The following ABCA1 variants were observed in gnomAD, a reference collection of about 807,000 sequenced individuals.
ABCA1 encodes ATP binding cassette subfamily A member 1, also known as phospholipid-transporting ATPase ABCA1.
A neutral mutation model predicts 262.5 loss-of-function variants in ABCA1; 133 were observed. The ratio of observed to expected loss-of-function variants is 0.51; its 90% CI spans 0.44 to 0.59. ABCA1 has a LOEUF of 0.59. Ranked by LOEUF, ABCA1 falls within the 20% of genes least tolerant of loss-of-function variation. The pLI, the probability that ABCA1 is intolerant of heterozygous loss-of-function variation, is 0.00. For synonymous variants in ABCA1, 1,022 were observed against 1,043.5 expected (o/e 0.98, Z 0.40); for missense variants, 2,452 against 2,777.5 (o/e 0.88, Z 2.63).
chr9:104,889,877 A>T (rs964630643), intron 2 of ABCA1, among the ~76,000 whole-genome samples: 1 of 152,194 alleles, frequency 6.6e-6, no homozygotes, highest in East Asian at 1.9e-4. Flanking sequence ...GTCCTTCCCC[A>T]TCTGTCCAGG....
intron 1 of ABCA1, among the ~76,000 whole-genome samples, chr9:104,926,489 C>A (rs10991418): frequency 6.9e-6 from 1 of 145,090 alleles, no homozygotes; most frequent in East Asian, 2.0e-4. Flanking sequence ...AAAAACAAAA[C>A]GGGCTTTCGC....
In ABCA1 at chr9:104,785,545, T is replaced by C; in HGVS notation, c.6496A>G (p.Ser2166Gly). 6.4e-7 allele frequency: 1 copy of C among 1,550,568 alleles called. No individual in the cohort carries two copies. Residue 2166 changes from serine (S) to glycine (G), a missense_variant, in exon 49 of 50, where the codon AGT becomes GGT. By Grantham distance (56) the Ser-to-Gly change is moderately conservative. This residue lies in a region of ABCA1 where 752 missense variants were observed against 944.5 expected (regional missense o/e 0.80). Coordinates refer to ENST00000374736, the MANE Select transcript of ABCA1 (RefSeq NM_005502.4). Reference sequence around the variant, plus strand: ...TTCCGGTGTTTCTCTTTTAGAACACTTCCAGGAAATGCAAGTCCAAAGAAA... The same window carrying C: ...TTCCGGTGTTTCTCTTTTAGAACACCTCCAGGAAATGCAAGTCCAAAGAAA... The part of the protein sequence containing the change: ...QDFFGLAFPG[S>G]VLKEKHRNML...
intron 14 of ABCA1, 90 bp from the exon 15 acceptor site, chr9:104,829,228 G>T: frequency 7.7e-7 from 1 of 1,301,064 alleles, no homozygotes. Context: ...CATGCTAGAG[G>T]GAGCACCACA....
intron 45 of ABCA1, 77 bp from the exon 46 acceptor site, chr9:104,788,131 A>C: frequency 6.8e-7 from 1 of 1,468,120 alleles, no homozygotes; most frequent in Non-Finnish European, 9.5e-7. Context: ...ACATGTATGA[A>C]AGTTCTTTCA....
intron 5 of ABCA1, among the ~76,000 whole-genome samples, chr9:104,862,049 TACACAC>T (rs35010837): frequency 6.8e-4 from 99 of 145,098 alleles, no homozygotes; most frequent in African/African-American, 1.8e-3. Flanking sequence ...ATGGTGCTGT[TACACAC>T]ACACACACAC....
intron 3 of ABCA1, among the ~76,000 whole-genome samples, chr9:104,888,347 T>C (rs367743198): frequency 1.8e-4 from 28 of 152,240 alleles, no homozygotes; most frequent in African/African-American, 5.8e-4. Flanking sequence ...TAAATGTTGA[T>C]CCTTTAGATC....
At chr9:104,847,710 C>T (rs1023409325) in intron 7 of ABCA1, among the ~76,000 whole-genome samples, 2 of 152,214 alleles carry the variant, frequency 1.3e-5, no homozygotes, top group African/African-American at 4.8e-5. Flanking sequence ...TTACTCCCCA[C>T]CACAAGGTGA....
intron 4 of ABCA1, among the ~76,000 whole-genome samples, 172 bp downstream of exon 4, chr9:104,884,255 T>C (rs1838957544): frequency 1.3e-5 from 2 of 152,124 alleles, no homozygotes; most frequent in South Asian, 4.1e-4. Flanking sequence ...ATACCCCAAA[T>C]ACCCCAAATT....
intron 2 of ABCA1, among the ~76,000 whole-genome samples, chr9:104,902,707 G>A (rs1466162255): frequency 1.3e-5 from 2 of 152,144 alleles, no homozygotes; most frequent in African/African-American, 2.4e-5. Context: ...TTCTTTTACA[G>A]ACAGTGCAAG....
chr9:104,812,751 T>G, intron 27 of ABCA1, 29 bp from the exon 28 acceptor site: 1 of 1,614,160 alleles, frequency 6.2e-7, no homozygotes, highest in Non-Finnish European at 8.5e-7. Context: ...GAAGGTCACC[T>G]ATTATCTTAG....
intron 1 of ABCA1, among the ~76,000 whole-genome samples, chr9:104,913,791 A>AT (rs890934610): frequency 2.0e-4 from 30 of 151,196 alleles, no homozygotes; most frequent in South Asian, 4.2e-4. Context: ...ATTTTATTTT[A>AT]TTTATTTATC....
intron 3 of ABCA1, among the ~76,000 whole-genome samples, chr9:104,887,715 G>A (rs940571682): frequency 1.5e-5 from 2 of 134,978 alleles, no homozygotes; most frequent in Admixed American, 7.4e-5. Context: ...ATAAATTTCA[G>A]TTTATGCTTT....
At chr9:104,805,390 CAA>C (rs1830675998) in intron 31 of ABCA1, among the ~76,000 whole-genome samples, 1 of 152,106 alleles carries the variant, frequency 6.6e-6, no homozygotes, top group South Asian at 2.1e-4. Flanking sequence ...CTATTATTTT[CAA>C]GAGTGGTAAC....
intron 43 of ABCA1, among the ~76,000 whole-genome samples, chr9:104,791,310 T>A (rs1829402889): frequency 6.6e-6 from 1 of 152,162 alleles, no homozygotes; most frequent in South Asian, 2.1e-4. Flanking sequence ...CACCACCTAC[T>A]CTGGCAAAAG....
At chr9:104,791,134 A>C in intron 43 of ABCA1, 106 bp from the exon 44 acceptor site, 1 of 779,362 alleles carries the variant, frequency 1.3e-6, no homozygotes, top group South Asian at 1.5e-5. Context: ...ATCAGAGAAG[A>C]ATCAAATATT....
Position 104,817,537 on chromosome 9 carries a change from T to C in ABCA1, c.3463-133A>G, listed in dbSNP as rs28652716. 18,795 of 949,082 alleles carry C rather than the reference T, an allele frequency of 0.02. 270 individuals are homozygous for C. The highest frequency in any genetic ancestry group is 0.044 in the African/African-American group (2,722 of 61,534). 58.8% of individuals were successfully genotyped at this position (949,082 alleles called of 1,614,324 possible). ...AGGAAAAAGCTTTCCCTGGGACACATGCACTGGCAGCCGTGGCTTCAGAGG... is the reference window on the plus strand; with the variant it reads ...AGGAAAAAGCTTTCCCTGGGACACACGCACTGGCAGCCGTGGCTTCAGAGG... On this transcript the variant is annotated intron_variant, in intron 23 of 49. Transcript: ENST00000374736. The surrounding 1 kb of genome is among the most constrained non-coding windows in gnomAD (Gnocchi z 4.7).
chr9:104,844,545 T>C (rs1834689334), intron 8 of ABCA1, among the ~76,000 whole-genome samples: 1 of 152,186 alleles, frequency 6.6e-6, no homozygotes, highest in Non-Finnish European at 1.5e-5. Flanking sequence ...TGCAATACTT[T>C]CATTGTTAGA....
chr9:104,870,500 T>G (rs184557132), intron 5 of ABCA1, among the ~76,000 whole-genome samples: 1 of 152,186 alleles, frequency 6.6e-6, no homozygotes, highest in South Asian at 2.1e-4. Flanking sequence ...AGTAAGGCAA[T>G]AGCACACCTG....
Position 104,796,122 on chromosome 9 carries a change from G to A in ABCA1, c.5313C>T (p.Thr1771=), listed in dbSNP as rs116899939. ...TAATGCCAATGAAGAGGTTCACGCT[G>A]GTGAGCACCACATAGGCTGTGCTGG... is the stretch of plus-strand genomic sequence containing the variant. ...KIPSTAYVVL[T]SVNLFIGING... is the part of the protein sequence containing the mutation. The change falls in exon 39 of 50, where the codon ACC becomes ACT. Residue 1771 remains threonine (T), a synonymous_variant. Transcript: ENST00000374736. 1.7e-5 allele frequency: 27 copies of A among 1,613,904 alleles called. No homozygotes were observed. In the East Asian group the frequency reaches 5.6e-4, roughly 33 times the overall value.
Sources: gnomAD v4.1 joint callset for allele counts (sites outside exome capture counted in the v4.1 genomes callset) on GRCh38, gnomAD v4.1.1 for gene constraint, gnomAD v4.1.1 regional missense constraint, Gnocchi (gnomAD v3.1) non-coding constraint, MANE v1.5 for transcripts, NCBI Gene and HGNC (gene_info 2026-07-23, HGNC 2026-07-21) for gene names.